Variants in COL5A1 observed in about 807,000 individuals in gnomAD.
COL5A1 encodes the protein collagen alpha-1(V) chain.
A neutral mutation model predicts 263.7 loss-of-function variants in COL5A1; 16 were observed. That is an observed-to-expected ratio of 0.06 (90% CI 0.04 to 0.09). The LOEUF is 0.09. Ranked by LOEUF, COL5A1 falls within the 10% of genes least tolerant of loss-of-function variation. The pLI is 1.00. For synonymous variants in COL5A1, 1,012 were observed against 1,004.5 expected, an observed-to-expected ratio of 1.01 and a Z score of -0.14; for missense variants, 2,036 against 2,540.5, an observed-to-expected ratio of 0.80 and a Z score of 4.27.
chr9:134,677,307 C>A lies in COL5A1; in HGVS notation c.110-13605C>A, dbSNP rs1430051031. 1.3e-5 allele frequency among the ~76,000 whole-genome samples: 2 copies of A among 152,172 alleles called. No individual in the cohort carries two copies. Among genetic ancestry groups the A allele is most frequent in the South Asian group, 4.2e-4 (2 of 4,800 alleles). ...GGGGAAGGCAGGCCCTGGTATTACA[C>A]CTCCTTTCCTGCAGGGGAAAAGGCT... On this transcript the variant is annotated intron_variant, in intron 1 of 65. Transcript: ENST00000371817. This position sits in a 1 kb window ranked among gnomAD's most constrained non-coding sequence, Gnocchi z 4.4.
At chr9:134,801,400 C>T (rs931280845) in intron 37 of COL5A1, among the ~76,000 whole-genome samples, 5 of 152,196 alleles carry the variant, frequency 3.3e-5, no homozygotes, top group African/African-American at 4.8e-5. Context: ...AGAAAAGGAG[C>T]GTTTGGTGAC....
Position 134,649,279 on chromosome 9 carries a change from G to A in COL5A1, c.109+6983G>A, listed in dbSNP as rs1588399265. On this transcript the variant is annotated intron_variant, in intron 1 of 65. Coordinates refer to ENST00000371817, the MANE Select transcript of COL5A1 (RefSeq NM_000093.5). ...ACACCCTCAGCTTCCTATCAGCAGA[G>A]GAGTTTTTCTGGAGGAATCTCAAAC... 3 of 339,164 alleles carry A rather than the reference G, an allele frequency of 8.8e-6. No individual in the cohort carries two copies. In the Admixed American group the frequency reaches 1.4e-4, roughly 16 times the overall value. The allele number at this position is 339,164 out of a possible 1,614,324, so 21.0% of individuals were successfully genotyped here. A position where few individuals can be genotyped will look rare whatever the true frequency, so the allele number is the denominator to read the frequency against.
rs946422514 is a variant in COL5A1 at position 134,790,914 on chromosome 9, A to G, written c.2700+1706A>G. ...AGGATATGGCCTTCTGCAGCTGGTCATGGGCTGTGACTGCAAGCCCTTTCC... is the reference window on the plus strand; with the variant it reads ...AGGATATGGCCTTCTGCAGCTGGTCGTGGGCTGTGACTGCAAGCCCTTTCC... On this transcript the variant is annotated intron_variant, in intron 32 of 65. Transcript: ENST00000371817. Among the ~76,000 whole-genome samples, 6 of 152,100 alleles carry G rather than the reference A, an allele frequency of 3.9e-5. No individual in the cohort carries two copies. The East Asian group carries it at 1.2e-3, about 30-fold the overall frequency.
chr9:134,717,530 C>T (rs767716616), intron 4 of COL5A1, among the ~76,000 whole-genome samples: 6 of 152,200 alleles, frequency 3.9e-5, no homozygotes, highest in South Asian at 2.1e-4. Context: ...TAGCGCTGCC[C>T]GTGGCTCTCC....
At chr9:134,654,483 GA>G (rs1831847434) in intron 1 of COL5A1, among the ~76,000 whole-genome samples, 1 of 130,904 alleles carries the variant, frequency 7.6e-6, no homozygotes, top group Non-Finnish European at 1.6e-5. Flanking sequence ...TGTAGGGCTG[GA>G]GTTGTGTAGA....
chr9:134,688,411 C>A (rs976504258), intron 1 of COL5A1, among the ~76,000 whole-genome samples: 4 of 152,246 alleles, frequency 2.6e-5, no homozygotes, highest in Admixed American at 1.3e-4. Flanking sequence ...GGTGGACCGG[C>A]AGCTGGCGCA....
intron 32 of COL5A1, among the ~76,000 whole-genome samples, chr9:134,790,697 C>T (rs1385453141): frequency 6.6e-6 from 1 of 150,542 alleles, no homozygotes; most frequent in Non-Finnish European, 1.5e-5. Flanking sequence ...ACCCATCCAC[C>T]TCTCCATCTG....
At chr9:134,759,840 ACG>A (rs1473085836) in intron 18 of COL5A1, among the ~76,000 whole-genome samples, 27 of 36,392 alleles carry the variant, frequency 7.4e-4, no homozygotes, top group African/African-American at 4.7e-3. Flanking sequence ...CCCCCCACTC[ACG>A]CACACCCCCA....
intron 1 of COL5A1, among the ~76,000 whole-genome samples, chr9:134,661,174 T>C (rs1246804007): frequency 6.6e-6 from 1 of 150,726 alleles, no homozygotes; most frequent in African/African-American, 2.4e-5. Flanking sequence ...GGGAGTTTGG[T>C]TGGGGAAGTG....
At chr9:134,730,579 T>C in intron 7 of COL5A1, 104 bp downstream of exon 7, 1 of 1,515,692 alleles carries the variant, frequency 6.6e-7, no homozygotes, top group Non-Finnish European at 9.0e-7. Flanking sequence ...CTCACCTTGG[T>C]GTCCTCGGGT....
chr9:134,748,128 C>T (rs1030411796), intron 11 of COL5A1, among the ~76,000 whole-genome samples: 1 of 151,050 alleles, frequency 6.6e-6, no homozygotes, highest in South Asian at 2.1e-4. Flanking sequence ...GACATGCATC[C>T]ACACATGCAT....
intron 59 of COL5A1, among the ~76,000 whole-genome samples, chr9:134,822,437 G>A (rs547260585): frequency 5.3e-5 from 8 of 152,274 alleles, no homozygotes; most frequent in South Asian, 2.1e-4. Flanking sequence ...GGGAGGGTGC[G>A]GAAGGTAGTA....
At chr9:134,690,618 C>T (rs893637607) in intron 1 of COL5A1, among the ~76,000 whole-genome samples, 5 of 152,076 alleles carry the variant, frequency 3.3e-5, no homozygotes, top group Non-Finnish European at 5.9e-5. Flanking sequence ...TGGGCTAGCC[C>T]GGGTCTGCCC....
intron 34 of COL5A1, 23 bp downstream of exon 34, chr9:134,795,338 G>T: frequency 6.2e-7 from 1 of 1,612,452 alleles, no homozygotes. Flanking sequence ...CCTCCTGGGC[G>T]GTGGGCGGCG....
intron 50 of COL5A1, 31 bp from the exon 51 acceptor site, chr9:134,815,545 C>G (rs1167813320): frequency 2.5e-6 from 4 of 1,609,192 alleles, no homozygotes; most frequent in Non-Finnish European, 3.4e-6. Context: ...TTGCTGATGG[C>G]CTTGGCTGCT....
At chr9:134,654,537 G>A (rs1831853590) in intron 1 of COL5A1, among the ~76,000 whole-genome samples, 1 of 113,510 alleles carries the variant, frequency 8.8e-6, no homozygotes, top group Non-Finnish European at 1.8e-5. Flanking sequence ...CTGGGTGTGT[G>A]TAGGGCTGGG....
intron 48 of COL5A1, among the ~76,000 whole-genome samples, chr9:134,813,351 T>A (rs1838613606): frequency 6.6e-6 from 1 of 152,174 alleles, no homozygotes; most frequent in Non-Finnish European, 1.5e-5. Flanking sequence ...TCCATGCACT[T>A]GAGCCCCCTG....
chr9:134,662,290 C>A (rs970526902), intron 1 of COL5A1, among the ~76,000 whole-genome samples: 1 of 152,206 alleles, frequency 6.6e-6, no homozygotes, highest in Admixed American at 6.5e-5. Context: ...ACTTCCAGGC[C>A]GCTCAGGGCA....
rs368917234 is a variant in COL5A1 at position 134,767,014 on chromosome 9, G to A, written c.2148G>A (p.Glu716=). The A allele has an allele frequency of 1.1e-5, 17 of 1,613,724 alleles. No homozygotes were observed. The African/African-American group carries it at 1.2e-4, about 11-fold the overall frequency. Residue 716 remains glutamate (E), a synonymous_variant, in exon 23 of 66, where the codon GAG becomes GAA. Transcript: ENST00000371817. ...GPKGNVGPQG[E]PGPPGQQGNP... is the part of the protein sequence containing the mutation. ...GTCTCCTGTAGGGTCCCCAGGGAGA[G>A]CCTGGCCCCCCAGGACAGCAGGGTA...
Sources: allele counts gnomAD v4.1 joint callset (sites outside exome capture counted in the v4.1 genomes callset), GRCh38; gene constraint gnomAD v4.1.1; non-coding constraint Gnocchi (gnomAD v3.1); transcripts MANE v1.5; gene names NCBI Gene and HGNC (gene_info 2026-07-23, HGNC 2026-07-21).